FARP1: variants seen among roughly 807,000 people sequenced by gnomAD.
The protein encoded by FARP1 is FERM, ARH/RhoGEF and pleckstrin domain protein 1, also known as FERM, ARHGEF and pleckstrin domain-containing protein 1.
FARP1 carries 52 observed loss-of-function variants against 128.8 expected under a neutral mutation model. That is an observed-to-expected ratio of 0.40 (90% CI 0.32 to 0.51). FARP1 has a LOEUF of 0.51. Ranked by LOEUF, FARP1 falls within the 20% of genes least tolerant of loss-of-function variation. FARP1 has a pLI of 0.45. For missense variants in FARP1, 1,333 were observed against 1,367.9 expected (o/e 0.97, Z 0.40); for synonymous variants, 580 against 551.8 (o/e 1.05, Z -0.72).
rs1864601422 is a variant in FARP1 at position 98,304,270 on chromosome 13, G to T, written c.172-39492G>T. On this transcript the variant is annotated intron_variant, in intron 2 of 26. Coordinates refer to ENST00000319562, the MANE Select transcript of FARP1 (RefSeq NM_005766.4). ...GTAATGGAGTGTAGGACTTCCAGCT[G>T]CTTAATTGAAGGCTCTTGTTTTTAC... Among the ~76,000 whole-genome samples the T allele has an allele frequency of 2.0e-5, 3 of 152,266 alleles. No individual in the cohort carries two copies. In the South Asian group the frequency reaches 6.2e-4, roughly 32 times the overall value.
chr13:98,433,976 A>T (rs1892146987), intron 18 of FARP1: 1 of 152,344 alleles, frequency 6.6e-6, no homozygotes, highest in South Asian at 2.1e-4. Context: ...TCTGTCGCCC[A>T]TGGGGGTGAG....
chr13:98,240,738 CAAAT>C (rs1882719077), intron 2 of FARP1, among the ~76,000 whole-genome samples: 1 of 152,218 alleles, frequency 6.6e-6, no homozygotes, highest in Non-Finnish European at 1.5e-5. Flanking sequence ...ACCATACTGA[CAAAT>C]AACACCTGAG....
At chr13:98,191,794 T>A (rs1879246659) in intron 1 of FARP1, among the ~76,000 whole-genome samples, 2 of 152,090 alleles carry the variant, frequency 1.3e-5, no homozygotes, top group African/African-American at 4.8e-5. Context: ...AATACAAAAG[T>A]TAGCTGGGTG....
At chr13:98,439,582 G>A (rs1236530892) in intron 21 of FARP1, among the ~76,000 whole-genome samples, 1 of 152,192 alleles carries the variant, frequency 6.6e-6, no homozygotes, top group Non-Finnish European at 1.5e-5. Context: ...GACAGCGCCC[G>A]CTCCCTGGAG....
intron 3 of FARP1, among the ~76,000 whole-genome samples, chr13:98,348,632 G>A (rs115225433): frequency 0.013 from 1,981 of 152,390 alleles, 43 homozygotes; most frequent in African/African-American, 0.045. Flanking sequence ...AGAAGCATCC[G>A]TAGACGATGT....
At chr13:98,376,763 T>G (rs1366508423) in intron 5 of FARP1, among the ~76,000 whole-genome samples, 8 of 115,330 alleles carry the variant, frequency 6.9e-5, no homozygotes, top group Admixed American at 1.5e-4. Flanking sequence ...TTTTGTGTTT[T>G]TTTTTTTTTT....
At position 98,446,797 on chromosome 13, in the gene FARP1, A is replaced by G. The variant is rs1280606886; in HGVS notation, c.3036A>G (p.Glu1012=). The change falls in exon 26 of 27, where the codon GAA becomes GAG. Residue 1012 remains glutamate (E), a synonymous_variant. Transcript: ENST00000319562. Reference sequence around the variant, plus strand: ...CCCACGTCTACTACTTCAGGGCGGAAAGCGAGTACACGTTCGAAAGGTAGA... The same window carrying G: ...CCCACGTCTACTACTTCAGGGCGGAGAGCGAGTACACGTTCGAAAGGTAGA... ...FKSHVYYFRA[E]SEYTFERWME... 6.2e-7 allele frequency: 1 copy of G among 1,614,128 alleles called. No individual in the cohort carries two copies. Among genetic ancestry groups the G allele is most frequent in the Admixed American group, 1.7e-5 (1 of 60,020 alleles).
In FARP1 at chr13:98,440,852, G is replaced by T; in HGVS notation, c.2796+16G>T. On this transcript the variant is annotated intron_variant, in intron 24 of 26. Transcript: ENST00000319562. ...CGCAGTGGAGGTACGCAGGGGCAGG[G>T]CAGCTCTGGTTCCCAGCTTGTGCTG... is the stretch of plus-strand genomic sequence containing the variant. 1 of 1,580,760 alleles carries T rather than the reference G, an allele frequency of 6.3e-7. No homozygotes were observed. Among genetic ancestry groups the T allele is most frequent in the Non-Finnish European group, 8.6e-7 (1 of 1,165,584 alleles).
chr13:98,187,156 T>C (rs986354908), intron 1 of FARP1, among the ~76,000 whole-genome samples: 2 of 152,196 alleles, frequency 1.3e-5, no homozygotes, highest in Non-Finnish European at 2.9e-5. Context: ...TTCCATTTTC[T>C]ACAGCTCATT....
At position 98,431,028 on chromosome 13, in the gene FARP1, C is replaced by T; in HGVS notation, c.1906-15C>T. 1 of 1,586,576 alleles carries T rather than the reference C, an allele frequency of 6.3e-7. No homozygotes were observed. Among genetic ancestry groups the T allele is most frequent in the Non-Finnish European group, 8.6e-7 (1 of 1,156,780 alleles). On this transcript the variant is annotated splice_polypyrimidine_tract_variant and intron_variant, in intron 17 of 26. Coordinates refer to ENST00000319562, the MANE Select transcript of FARP1 (RefSeq NM_005766.4). ...TTCAGCTGAACAGGACCCTCCTCCT[C>T]TGTTGCCTCCCAAGCACCTGGCGGC...
intron 26 of FARP1, 97 bp downstream of exon 26, chr13:98,446,914 C>T (rs1309697879): frequency 2.3e-6 from 3 of 1,303,486 alleles, no homozygotes; most frequent in Non-Finnish European, 3.3e-6. Flanking sequence ...GATGGCCCCA[C>T]CCTTCCCTGC....
At chr13:98,143,755 C>T (rs1875268585) in intron 1 of FARP1, among the ~76,000 whole-genome samples, 1 of 151,652 alleles carries the variant, frequency 6.6e-6, no homozygotes, top group Admixed American at 6.6e-5. Flanking sequence ...TCACCTCCGC[C>T]GACGTCGGGC....
At chr13:98,331,035 A>G (rs1422298876) in intron 2 of FARP1, among the ~76,000 whole-genome samples, 1 of 152,216 alleles carries the variant, frequency 6.6e-6, no homozygotes, top group Non-Finnish European at 1.5e-5. Flanking sequence ...ATCGATCAGC[A>G]TCCCTTTCTA....
chr13:98,329,941 T>C (rs1021873854), intron 2 of FARP1: 2 of 152,018 alleles, frequency 1.3e-5, no homozygotes, highest in African/African-American at 4.8e-5. Flanking sequence ...TAGAAAGTGG[T>C]ATGTAAAAGT....
chr13:98,369,857 C>T (rs1889255083), intron 5 of FARP1, among the ~76,000 whole-genome samples: 2 of 152,200 alleles, frequency 1.3e-5, no homozygotes, highest in South Asian at 4.1e-4. Context: ...TATCCTTCCT[C>T]ATCCCTCTCA....
intron 2 of FARP1, among the ~76,000 whole-genome samples, chr13:98,297,540 A>G (rs1174591988): frequency 6.6e-6 from 1 of 152,234 alleles, no homozygotes; most frequent in East Asian, 1.9e-4. Flanking sequence ...ACTACAGCCA[A>G]CTGTAGGTAC....
At chr13:98,240,028 G>T (rs530059271) in intron 2 of FARP1, among the ~76,000 whole-genome samples, 1 of 152,246 alleles carries the variant, frequency 6.6e-6, no homozygotes, top group African/African-American at 2.4e-5. Context: ...CCACAAGGAG[G>T]GAAGGAGGCA....
intron 24 of FARP1, among the ~76,000 whole-genome samples, chr13:98,442,170 C>T (rs1439150754): frequency 6.6e-6 from 1 of 152,218 alleles, no homozygotes; most frequent in Non-Finnish European, 1.5e-5. Context: ...GCAGGACTCC[C>T]TTCCAAACGC....
intron 2 of FARP1, chr13:98,234,786 A>T (rs1882325280): frequency 6.6e-6 from 1 of 152,218 alleles, no homozygotes; most frequent in African/African-American, 2.4e-5. Context: ...TCTAAATATG[A>T]CACAACAGCC....
Sources: allele counts gnomAD v4.1 joint callset (sites outside exome capture counted in the v4.1 genomes callset), GRCh38; gene constraint gnomAD v4.1.1; transcripts MANE v1.5; gene names NCBI Gene and HGNC (gene_info 2026-07-23, HGNC 2026-07-21).